CSMD3: variants seen among roughly 807,000 people sequenced by gnomAD.
CSMD3 encodes CUB and sushi domain-containing protein 3.
CSMD3 carries 177 observed loss-of-function variants against 435.2 expected under a neutral mutation model. The observed-to-expected ratio is 0.41, with a 90% CI of 0.36 to 0.46. The LOEUF (loss-of-function observed/expected upper bound fraction) is 0.46. CSMD3 is among the 20% of genes least tolerant of loss of function. The pLI is 0.34. For missense variants in CSMD3, 4,265 were observed against 4,504.6 expected, an observed-to-expected ratio of 0.95 and a Z score of 1.52; for synonymous variants, 1,656 against 1,520.5, an observed-to-expected ratio of 1.09 and a Z score of -2.07.
At chr8:113,347,238 CACTT>C (rs1483959539) in intron 1 of CSMD3, among the ~76,000 whole-genome samples, 2 of 152,120 alleles carry the variant, frequency 1.3e-5, no homozygotes, top group African/African-American at 2.4e-5. Flanking sequence ...CTTCCTTTGA[CACTT>C]ACTTTTCTTC....
At chr8:112,602,742 G>A (rs990784204) in intron 22 of CSMD3, among the ~76,000 whole-genome samples, 1 of 151,670 alleles carries the variant, frequency 6.6e-6, no homozygotes, top group East Asian at 1.9e-4. Flanking sequence ...AAGTAAGCTA[G>A]AGCAAAAATG....
chr8:112,522,803 C>G (rs1824438203), intron 27 of CSMD3, among the ~76,000 whole-genome samples: 1 of 151,822 alleles, frequency 6.6e-6, no homozygotes, highest in Non-Finnish European at 1.5e-5. Flanking sequence ...CTCATTATTG[C>G]TACTGTCAAT....
chr8:112,685,976 T>C (rs1296509974), intron 14 of CSMD3, among the ~76,000 whole-genome samples: 1 of 69,368 alleles, frequency 1.4e-5, no homozygotes, highest in African/African-American at 9.6e-5. Flanking sequence ...ATAATAGCAA[T>C]TTTTTGACAT....
rs1409815356 is a variant in CSMD3, at chr8:112,472,792, T to C, written c.5279-85A>G. ...GGTTATCTTCTTCATATAAAAAATA[T>C]ATGGCTAATGGAATTTAAGGTGTAT... is the stretch of plus-strand genomic sequence containing the variant. On this transcript the variant is annotated intron_variant, in intron 31 of 70. Transcript: ENST00000297405. 3 of 750,938 alleles carry C rather than the reference T, an allele frequency of 4.0e-6. No individual in the cohort carries two copies. The African/African-American group carries it at 5.2e-5, about 13-fold the overall frequency. 46.5% of individuals were successfully genotyped at this position (750,938 alleles called of 1,614,324 possible).
At chr8:112,835,709 A>T (rs935925092) in intron 11 of CSMD3, among the ~76,000 whole-genome samples, 1 of 151,908 alleles carries the variant, frequency 6.6e-6, no homozygotes, top group South Asian at 2.1e-4. Flanking sequence ...ACAGAAACAC[A>T]GTTTCAGGGG....
intron 59 of CSMD3, among the ~76,000 whole-genome samples, chr8:112,269,549 T>G (rs1817266684): frequency 6.6e-6 from 1 of 152,146 alleles, no homozygotes; most frequent in African/African-American, 2.4e-5. Flanking sequence ...TCAGCACTGT[T>G]TGTGTCTTCT....
At chr8:113,278,737 T>A (rs971198326) in intron 2 of CSMD3, 33 bp from the exon 3 acceptor site, 5 of 973,174 alleles carry the variant, frequency 5.1e-6, no homozygotes, top group Non-Finnish European at 8.4e-6. Context: ...GTTAGAGACA[T>A]AATCATTTTA....
intron 67 of CSMD3, among the ~76,000 whole-genome samples, chr8:112,235,916 T>C (rs1238367962): frequency 1.3e-5 from 2 of 152,002 alleles, no homozygotes; most frequent in Non-Finnish European, 1.5e-5. Context: ...AGAATAAGTA[T>C]ACATTTATTT....
intron 4 of CSMD3, among the ~76,000 whole-genome samples, chr8:113,120,648 C>T (rs2131633861): frequency 6.6e-6 from 1 of 152,242 alleles, no homozygotes; most frequent in Admixed American, 6.5e-5. Context: ...AGCCAAAATG[C>T]ATTTATCCAA....
chr8:112,991,126 A>C (rs2131017096), intron 6 of CSMD3, among the ~76,000 whole-genome samples: 1 of 151,810 alleles, frequency 6.6e-6, no homozygotes, highest in South Asian at 2.1e-4. Flanking sequence ...GGACCTACTT[A>C]ATCATTTTTC....
chr8:113,270,323 C>T (rs1465590014), intron 3 of CSMD3, among the ~76,000 whole-genome samples: 6 of 147,624 alleles, frequency 4.1e-5, no homozygotes, highest in African/African-American at 1.3e-4. Context: ...AGTCGGGAAA[C>T]AACAGGTGCT....
chr8:112,544,505 A>G (rs1826976564), intron 27 of CSMD3, among the ~76,000 whole-genome samples: 1 of 152,188 alleles, frequency 6.6e-6, no homozygotes, highest in Non-Finnish European at 1.5e-5. Context: ...TCACACAGCT[A>G]AATAAATGAT....
At chr8:112,543,823 A>G (rs1483373666) in intron 27 of CSMD3, among the ~76,000 whole-genome samples, 1 of 152,200 alleles carries the variant, frequency 6.6e-6, no homozygotes, top group Non-Finnish European at 1.5e-5. Context: ...GATGTTGGAA[A>G]CAACTTAATT....
chr8:112,444,278 C>CA (rs1285693596), intron 32 of CSMD3, among the ~76,000 whole-genome samples: 1 of 152,128 alleles, frequency 6.6e-6, no homozygotes, highest in East Asian at 1.9e-4. Flanking sequence ...AATGGTTAAC[C>CA]ACTTTGGGAA....
chr8:113,122,018 T>A (rs1419645077), intron 4 of CSMD3, among the ~76,000 whole-genome samples: 1 of 152,108 alleles, frequency 6.6e-6, no homozygotes, highest in Non-Finnish European at 1.5e-5. Context: ...TCAGTACGAC[T>A]TTTTTCCTTC....
chr8:113,335,295 A>C (rs2094063623), intron 1 of CSMD3, among the ~76,000 whole-genome samples: 1 of 151,982 alleles, frequency 6.6e-6, no homozygotes, highest in Admixed American at 6.6e-5. Flanking sequence ...ATAATTACCC[A>C]GTCTCGGGTA....
chr8:113,325,984 G>A (rs2093981075), intron 1 of CSMD3, among the ~76,000 whole-genome samples: 1 of 152,024 alleles, frequency 6.6e-6, no homozygotes, highest in African/African-American at 2.4e-5. Context: ...CAAATAAGAA[G>A]ACATCTTAAA....
At chr8:112,363,402 T>G (rs1464604650) in intron 38 of CSMD3, among the ~76,000 whole-genome samples, 3 of 151,518 alleles carry the variant, frequency 2.0e-5, no homozygotes, top group Non-Finnish European at 4.4e-5. Flanking sequence ...AGATTTCACA[T>G]GTGTGCTCTA....
chr8:112,882,240 T>C (rs1564062639), intron 10 of CSMD3, among the ~76,000 whole-genome samples: 1 of 151,956 alleles, frequency 6.6e-6, no homozygotes, highest in Non-Finnish European at 1.5e-5. Context: ...TTCCTTTTGT[T>C]ACTAACCAGC....
Sources: allele counts gnomAD v4.1 joint callset (sites outside exome capture counted in the v4.1 genomes callset), GRCh38; gene constraint gnomAD v4.1.1; transcripts MANE v1.5; gene names NCBI Gene and HGNC (gene_info 2026-07-23, HGNC 2026-07-21).